AKT3: variants seen among roughly 807,000 people sequenced by gnomAD.
AKT3 encodes AKT serine/threonine kinase 3, also known as RAC-gamma serine/threonine-protein kinase.
AKT3 carries 15 observed loss-of-function variants against 65.3 expected under a neutral mutation model. The observed-to-expected ratio is 0.23, with a 90% CI of 0.15 to 0.35. The LOEUF (loss-of-function observed/expected upper bound fraction) is 0.35, where lower values mean the gene tolerates loss of function less well. Among genes scored for constraint, AKT3 ranks in the 10% least tolerant of loss-of-function variants. The pLI is 1.00. For synonymous variants in AKT3, 206 were observed against 183.8 expected (o/e 1.12, Z -0.98); for missense variants, 243 against 576.5 (o/e 0.42, Z 5.92).
At chr1:243,563,941 T>A (rs1004164252) in intron 9 of AKT3, 93 bp from the exon 10 acceptor site, 1 of 1,291,844 alleles carries the variant, frequency 7.7e-7, no homozygotes, top group Admixed American at 2.6e-5. Flanking sequence ...GAGTAAGGTA[T>A]TTTGGAAACA....
At chr1:243,495,798 G>A (rs185850132), downstream of AKT3, among the ~76,000 whole-genome samples, 121 of 152,286 alleles carry the variant, frequency 7.9e-4, no homozygotes, top group African/African-American at 2.7e-3. Context: ...CAGAGCTCAC[G>A]TGGCTTATTT....
rs539189459 is a variant in AKT3, at chr1:243,581,371, T to A, written c.697-8323A>T. Reference sequence around the variant, plus strand: ...TATCAAGGTATACACTAAGCCATGTTGGCTGCAGTTAGCTCTTACCTCTAA... The same window carrying A: ...TATCAAGGTATACACTAAGCCATGTAGGCTGCAGTTAGCTCTTACCTCTAA... On this transcript the variant is annotated intron_variant, in intron 8 of 13. Coordinates refer to ENST00000673466, the MANE Select transcript of AKT3 (RefSeq NM_005465.7). 2.0e-5 allele frequency among the ~76,000 whole-genome samples: 3 copies of A among 152,336 alleles called. No homozygotes were observed. In the South Asian group the frequency reaches 6.2e-4, roughly 32 times the overall value.
upstream of AKT3, chr1:243,850,921 C>G (rs1448845705): frequency 1.3e-5 from 2 of 152,166 alleles, no homozygotes; most frequent in African/African-American, 4.8e-5. Context: ...AGGCTCCTCG[C>G]CCAGCCGCTT....
chr1:243,646,431 T>G (rs1181968926), intron 4 of AKT3, among the ~76,000 whole-genome samples: 2 of 152,102 alleles, frequency 1.3e-5, no homozygotes, highest in Non-Finnish European at 2.9e-5. Context: ...CTCAGCTCAC[T>G]GCAACCTCCA....
intron 3 of AKT3, among the ~76,000 whole-genome samples, chr1:243,671,057 C>T (rs1044676968): frequency 2.0e-5 from 3 of 150,768 alleles, no homozygotes; most frequent in Admixed American, 6.6e-5. Flanking sequence ...ATGTGAAAAA[C>T]GAAGGCATAA....
chr1:243,707,868 ATATT>A (rs1209349599), intron 2 of AKT3, among the ~76,000 whole-genome samples: 15 of 152,264 alleles, frequency 9.9e-5, no homozygotes, highest in Middle Eastern at 3.4e-3. Flanking sequence ...AACTTCTAGT[ATATT>A]TATACATAGC....
chr1:243,699,503 A>ATATATATATATATATATATATATG, intron 2 of AKT3, among the ~76,000 whole-genome samples: 1 of 79,364 alleles, frequency 1.3e-5, no homozygotes, highest in African/African-American at 4.3e-5. Context: ...ATATATATAT[A>ATATATATATATATATATATATATG]TATATATATA....
chr1:243,727,374 G>C (rs1378485493), intron 2 of AKT3, among the ~76,000 whole-genome samples: 1 of 152,036 alleles, frequency 6.6e-6, no homozygotes, highest in South Asian at 2.1e-4. Flanking sequence ...GCTCAACACA[G>C]CCTTGACCTC....
intron 2 of AKT3, among the ~76,000 whole-genome samples, chr1:243,790,952 T>A (rs1190222353): frequency 6.6e-6 from 1 of 152,270 alleles, no homozygotes; most frequent in East Asian, 1.9e-4. Context: ...AGATCACTGA[T>A]CATAGGTCAC....
intron 10 of AKT3, among the ~76,000 whole-genome samples, chr1:243,556,361 G>A (rs1313982849): frequency 6.6e-6 from 1 of 151,906 alleles, no homozygotes; most frequent in Non-Finnish European, 1.5e-5. Flanking sequence ...AGTTACTAAT[G>A]TAAATATTTA....
In AKT3 at chr1:243,788,364, C is replaced by T. The variant is rs141612835; in HGVS notation, c.46+54761G>A. The stretch of plus-strand genomic sequence containing the variant: ...GATCATCCTAGGTATATTATAACAA[C>T]TCTATATACATTTCATAGAATTTCC... On this transcript the variant is annotated intron_variant, in intron 2 of 13. Coordinates refer to ENST00000673466, the MANE Select transcript of AKT3 (RefSeq NM_005465.7). 1.2e-4 allele frequency among the ~76,000 whole-genome samples: 19 copies of T among 152,278 alleles called. No homozygotes were observed. In the East Asian group the frequency reaches 3.7e-3, roughly 29 times the overall value.
intron 12 of AKT3, among the ~76,000 whole-genome samples, chr1:243,526,860 A>T (rs1407370302): frequency 1.3e-5 from 2 of 149,940 alleles, no homozygotes; most frequent in Non-Finnish European, 3.0e-5. Context: ...ATGGATCTTT[A>T]AGAAAAAAAA....
chr1:243,664,982 G>T, intron 3 of AKT3, 99 bp from the exon 4 acceptor site: 2 of 506,122 alleles, frequency 4.0e-6, no homozygotes, highest in South Asian at 4.4e-5. Flanking sequence ...AAAACCCAGT[G>T]CGAACTCACA....
At chr1:243,555,858 A>G (rs183110880) in intron 10 of AKT3, among the ~76,000 whole-genome samples, 10 of 152,322 alleles carry the variant, frequency 6.6e-5, no homozygotes, top group African/African-American at 2.4e-4. Flanking sequence ...CATAAAACCA[A>G]CATTACTGAC....
chr1:243,778,564 C>T lies in AKT3; in HGVS notation c.46+64561G>A, dbSNP rs144012454. 1.6e-3 allele frequency among the ~76,000 whole-genome samples: 239 copies of T among 152,244 alleles called. 2 individuals are homozygous for T. The highest frequency in any genetic ancestry group is 9.6e-4 in the East Asian group (5 of 5,184). ...CCTATAGAGACAGACAAAAGGCTTT[C>T]CATACTGTGTTAAGAATACTGTGCT... On this transcript the variant is annotated intron_variant, in intron 2 of 13. Transcript: ENST00000673466.
chr1:243,710,458 A>C (rs1295363574), intron 2 of AKT3, among the ~76,000 whole-genome samples: 1 of 152,140 alleles, frequency 6.6e-6, no homozygotes, highest in African/African-American at 2.4e-5. Context: ...AGTGAGCGTT[A>C]TTTTTCTAGT....
chr1:243,661,346 G>A (rs1682308698), intron 4 of AKT3, among the ~76,000 whole-genome samples: 1 of 152,180 alleles, frequency 6.6e-6, no homozygotes, highest in South Asian at 2.1e-4. Context: ...CATGGTACTG[G>A]TACCAAAACA....
intron 2 of AKT3, among the ~76,000 whole-genome samples, chr1:243,836,201 T>C (rs753176048): frequency 3.6e-4 from 55 of 152,042 alleles, no homozygotes; most frequent in Non-Finnish European, 7.2e-4. Context: ...GTTGAAAAGA[T>C]ACAAGATGCA....
At chr1:243,755,455 T>C (rs1308451454) in intron 2 of AKT3, among the ~76,000 whole-genome samples, 1 of 152,086 alleles carries the variant, frequency 6.6e-6, no homozygotes, top group Non-Finnish European at 1.5e-5. Flanking sequence ...GCACTGGAAA[T>C]TGAGGGTTTA....
Sources: allele counts gnomAD v4.1 joint callset (sites outside exome capture counted in the v4.1 genomes callset), GRCh38; gene constraint gnomAD v4.1.1; transcripts MANE v1.5; gene names NCBI Gene and HGNC (gene_info 2026-07-23, HGNC 2026-07-21).